TULP4: variants seen among roughly 807,000 people sequenced by gnomAD.
The protein encoded by TULP4 is TUB like protein 4.
In TULP4, 16 loss-of-function variants were observed where a neutral mutation model predicts 129.0. The observed-to-expected ratio is 0.12, with a 90% CI of 0.08 to 0.19. TULP4 has a LOEUF of 0.19. TULP4 is among the 10% of genes least tolerant of loss of function. The pLI, the probability that TULP4 is intolerant of heterozygous loss-of-function variation, is 1.00. For missense variants in TULP4, 1,842 were observed against 2,059.1 expected (o/e 0.89, Z 2.04); for synonymous variants, 998 against 854.0 (o/e 1.17, Z -2.94).
chr6:158,277,085 G>A (rs780305012), intron 1 of TULP4, among the ~76,000 whole-genome samples: 6 of 152,132 alleles, frequency 3.9e-5, no homozygotes, highest in African/African-American at 1.2e-4. Context: ...GACTACAGGC[G>A]CGTGCTACCA....
intron 1 of TULP4, among the ~76,000 whole-genome samples, chr6:158,265,115 G>A (rs577614170): frequency 2.6e-4 from 40 of 152,224 alleles, no homozygotes; most frequent in East Asian, 1.4e-3. Context: ...TCTTTACAGC[G>A]TTCTTAAGAA....
chr6:158,476,276 C>A (rs1307067108), intron 6 of TULP4, among the ~76,000 whole-genome samples: 2 of 152,114 alleles, frequency 1.3e-5, no homozygotes, highest in African/African-American at 4.8e-5. Context: ...GAGTGCTGCA[C>A]CCTAATTAAT....
intron 6 of TULP4, among the ~76,000 whole-genome samples, chr6:158,463,577 G>A (rs1758976): frequency 0.72 from 109,176 of 150,888 alleles, 40,646 homozygotes; most frequent in African/African-American, 0.9. Flanking sequence ...GCACGCCAAC[G>A]TGGCACATGT....
At chr6:158,415,143 C>T (rs938011327) in intron 2 of TULP4, among the ~76,000 whole-genome samples, 3 of 152,140 alleles carry the variant, frequency 2.0e-5, no homozygotes, top group Non-Finnish European at 4.4e-5. Context: ...TGTAATGGAG[C>T]TGAAAAATTT....
chr6:158,340,409 C>G (rs943172572), intron 1 of TULP4, among the ~76,000 whole-genome samples: 4 of 152,058 alleles, frequency 2.6e-5, no homozygotes, highest in Non-Finnish European at 4.4e-5. Context: ...CCCTCCTGCC[C>G]TGACGCTGCT....
intron 1 of TULP4, among the ~76,000 whole-genome samples, chr6:158,320,171 C>T (rs1439391043): frequency 6.6e-6 from 1 of 152,152 alleles, no homozygotes; most frequent in Non-Finnish European, 1.5e-5. Context: ...TCGTGGCTGG[C>T]TGAGAAGTGA....
At chr6:158,272,657 T>G (rs1778571281) in intron 1 of TULP4, among the ~76,000 whole-genome samples, 1 of 152,210 alleles carries the variant, frequency 6.6e-6, no homozygotes. Flanking sequence ...CTTGAGTAGT[T>G]AAGTAGCATA....
chr6:158,385,074 C>T (rs1777409797), intron 1 of TULP4, among the ~76,000 whole-genome samples: 1 of 152,170 alleles, frequency 6.6e-6, no homozygotes. Flanking sequence ...GTTATCCTCG[C>T]CCACGTCAGT....
In TULP4 at chr6:158,502,904, A is replaced by G. The variant is rs1318420906; in HGVS notation, c.3241A>G (p.Thr1081Ala). 1.2e-6 allele frequency: 2 copies of G among 1,613,946 alleles called. No individual in the cohort carries two copies. The highest frequency in any genetic ancestry group is 3.3e-5 in the Admixed American group (2 of 60,032). The change falls in exon 13 of 14, where the codon ACC becomes GCC. Residue 1081 changes from threonine to alanine, a missense_variant. This residue lies in a region of TULP4 where 1,089 missense variants were observed against 987.1 expected (regional missense o/e 1.10). Transcript: ENST00000367097. Reference sequence around the variant, plus strand: ...CCCACCCGACAGCGCCCGCGACCGCACCGACTACGTCAACTCGGCCTTCAC... The same window carrying G: ...CCCACCCGACAGCGCCCGCGACCGCGCCGACTACGTCAACTCGGCCTTCAC... ...LSPPDSARDR[T>A]DYVNSAFTED...
intron 5 of TULP4, among the ~76,000 whole-genome samples, chr6:158,454,640 T>C (rs1445974279): frequency 1.3e-5 from 2 of 151,728 alleles, no homozygotes; most frequent in African/African-American, 4.8e-5. Context: ...AGTTTTGCTC[T>C]TGTTGCCCAG....
intron 1 of TULP4, among the ~76,000 whole-genome samples, chr6:158,270,556 C>G (rs1304459422): frequency 6.6e-6 from 1 of 152,114 alleles, no homozygotes; most frequent in East Asian, 1.9e-4. Context: ...GTACCGGGGC[C>G]GGTGATGGGC....
intron 1 of TULP4, among the ~76,000 whole-genome samples, chr6:158,371,827 A>G (rs1420772229): frequency 1.3e-5 from 2 of 152,128 alleles, no homozygotes; most frequent in African/African-American, 4.8e-5. Flanking sequence ...TTATGTTTGT[A>G]TGTTTGAGAC....
intron 1 of TULP4, among the ~76,000 whole-genome samples, chr6:158,271,960 G>A (rs750589385): frequency 6.6e-6 from 1 of 152,164 alleles, no homozygotes; most frequent in Non-Finnish European, 1.5e-5. Flanking sequence ...GTGCAGTGGA[G>A]GGTTTAAAAG....
At chr6:158,476,142 G>A (rs549639861) in intron 6 of TULP4, among the ~76,000 whole-genome samples, 1 of 152,114 alleles carries the variant, frequency 6.6e-6, no homozygotes, top group East Asian at 1.9e-4. Context: ...AGGTACCAGC[G>A]TTTATTTTGC....
chr6:158,336,020 T>A (rs1171393149), intron 1 of TULP4, among the ~76,000 whole-genome samples: 1 of 152,244 alleles, frequency 6.6e-6, no homozygotes, highest in East Asian at 1.9e-4. Flanking sequence ...GCCAAACTTC[T>A]TTCCATAATG....
Position 158,331,769 on chromosome 6 carries a change from A to G in TULP4, c.252+17501A>G, listed in dbSNP as rs759148290. Among the ~76,000 whole-genome samples, 4 of 29,248 alleles carry G rather than the reference A, an allele frequency of 1.4e-4. 1 individual carries two copies. The highest frequency in any genetic ancestry group is 1.9e-4 in the African/African-American group (2 of 10,316). The allele number at this position is 29,248 out of a possible 152,430, so 19.2% of individuals were successfully genotyped here. A position where few individuals can be genotyped will look rare whatever the true frequency, so the allele number is the denominator to read the frequency against. On this transcript the variant is annotated intron_variant, in intron 1 of 13. Coordinates refer to ENST00000367097, the MANE Select transcript of TULP4 (RefSeq NM_020245.5). ...CGTGTATATACACGTGTATATATAC[A>G]CGTATATATACACACACACATACCT...
chr6:158,325,876 GTTC>G (rs1371651906), intron 1 of TULP4, among the ~76,000 whole-genome samples: 4 of 152,018 alleles, frequency 2.6e-5, no homozygotes, highest in African/African-American at 9.7e-5. Context: ...AAATAGCAAT[GTTC>G]TAACTCCTGT....
chr6:158,372,071 T>C (rs1777081768), intron 1 of TULP4, among the ~76,000 whole-genome samples: 1 of 149,448 alleles, frequency 6.7e-6, no homozygotes, highest in Non-Finnish European at 1.5e-5. Context: ...CACCTCGGCC[T>C]CTCAAAGTGC....
At position 158,507,256 on chromosome 6, in the gene TULP4, C is replaced by T. The variant is rs1780626088; in HGVS notation, c.*562C>T. 6.4e-6 allele frequency: 1 copy of T among 156,784 alleles called. No individual in the cohort carries two copies. The allele number at this position is 156,784 out of a possible 1,614,324, so 9.7% of individuals were successfully genotyped here. A position where few individuals can be genotyped will look rare whatever the true frequency, so the allele number is the denominator to read the frequency against. On this transcript the variant is annotated 3_prime_UTR_variant, in exon 14 of 14. Transcript: ENST00000367097. ...TTTGGGCAGACACACTGTGTTGGAC[C>T]AACAAAGTAGGCTCTTTACAGGGGT...
Sources: allele counts gnomAD v4.1 joint callset (sites outside exome capture counted in the v4.1 genomes callset), GRCh38; gene constraint gnomAD v4.1.1; regional missense constraint gnomAD v4.1.1; transcripts MANE v1.5; gene names NCBI Gene and HGNC (gene_info 2026-07-23, HGNC 2026-07-21).